Variants in MARCHF4 observed in about 807,000 individuals in gnomAD.
MARCHF4 encodes the protein E3 ubiquitin-protein ligase MARCHF4.
MARCHF4 carries 14 observed loss-of-function variants against 43.9 expected under a neutral mutation model. The ratio of observed to expected loss-of-function variants is 0.32; its 90% confidence interval spans 0.21 to 0.50. The LOEUF is 0.50. Among genes scored for constraint, MARCHF4 ranks in the 20% least tolerant of loss-of-function variants. The pLI, the probability that MARCHF4 is intolerant of heterozygous loss-of-function variation, is 0.98. For synonymous variants in MARCHF4, 226 were observed against 213.3 expected (o/e 1.06, Z -0.52); for missense variants, 468 against 536.7 (o/e 0.87, Z 1.27).
At chr2:216,312,917 T>C (rs1360876834) in intron 1 of MARCHF4, among the ~76,000 whole-genome samples, 1 of 24,714 alleles carries the variant, frequency 4.0e-5, no homozygotes, top group Non-Finnish European at 8.8e-5. Flanking sequence ...TTTGGTTTTG[T>C]TGCTTTGCTT....
intron 1 of MARCHF4, among the ~76,000 whole-genome samples, chr2:216,338,098 G>T (rs1293522701): frequency 6.6e-6 from 1 of 152,162 alleles, no homozygotes; most frequent in East Asian, 1.9e-4. Flanking sequence ...ACAGTTATTG[G>T]CTATGACCAG....
rs1424994554 is a variant in MARCHF4 at position 216,372,380 on chromosome 2, G to T, written c.-2120C>A. On this transcript the variant is annotated 5_prime_UTR_variant, in exon 1 of 4. Transcript: ENST00000273067. Reference sequence around the variant, plus strand: ...CTCCCACCCAGACCCCGCGCGTCACGCTCGTGGGGGCCTGACGCAGACGCC... The same window carrying T: ...CTCCCACCCAGACCCCGCGCGTCACTCTCGTGGGGGCCTGACGCAGACGCC... 6.6e-6 allele frequency among the ~76,000 whole-genome samples: 1 copy of T among 152,284 alleles called. No individual in the cohort carries two copies. The highest frequency in any genetic ancestry group is 1.5e-5 in the Non-Finnish European group (1 of 68,032).
chr2:216,319,915 T>C (rs1691852289), intron 1 of MARCHF4, among the ~76,000 whole-genome samples: 1 of 152,144 alleles, frequency 6.6e-6, no homozygotes, highest in Non-Finnish European at 1.5e-5. Context: ...GCCATTGTCA[T>C]CTAGAAAGCC....
chr2:216,319,748 G>C (rs1691848905), intron 1 of MARCHF4, among the ~76,000 whole-genome samples: 1 of 152,038 alleles, frequency 6.6e-6, no homozygotes, highest in Non-Finnish European at 1.5e-5. Flanking sequence ...ATTGAATAAG[G>C]AAATCTACAC....
intron 1 of MARCHF4, among the ~76,000 whole-genome samples, chr2:216,302,099 A>G (rs548201639): frequency 6.6e-6 from 1 of 152,378 alleles, no homozygotes; most frequent in African/African-American, 2.4e-5. Flanking sequence ...AAGCTTGATA[A>G]AAATTCAAAA....
At chr2:216,316,038 C>T (rs950066655) in intron 1 of MARCHF4, among the ~76,000 whole-genome samples, 7 of 152,216 alleles carry the variant, frequency 4.6e-5, no homozygotes, top group African/African-American at 1.4e-4. Flanking sequence ...ACACAGTCAC[C>T]ATCCACATAA....
intron 1 of MARCHF4, among the ~76,000 whole-genome samples, chr2:216,365,753 CCT>C (rs1692656527): frequency 6.6e-6 from 1 of 152,158 alleles, no homozygotes; most frequent in Non-Finnish European, 1.5e-5. Context: ...CCTTCTTGTA[CCT>C]GATATTACTG....
intron 1 of MARCHF4, among the ~76,000 whole-genome samples, chr2:216,359,434 C>G (rs1447367701): frequency 2.0e-5 from 3 of 152,186 alleles, no homozygotes; most frequent in Non-Finnish European, 4.4e-5. Flanking sequence ...CAGCTTTTTA[C>G]CTCTTCTTCA....
chr2:216,271,489 C>T, intron 3 of MARCHF4, among the ~76,000 whole-genome samples: 1 of 152,184 alleles, frequency 6.6e-6, no homozygotes, highest in Non-Finnish European at 1.5e-5. Flanking sequence ...TGTGACTTAT[C>T]TGTAGACTAT....
In MARCHF4 at chr2:216,371,478, T is replaced by A. The variant is rs1186618720; in HGVS notation, c.-1218A>T. The A allele has an allele frequency of 6.6e-6, 1 of 152,266 alleles. No homozygotes were observed. The highest frequency in any genetic ancestry group is 2.4e-5 in the African/African-American group (1 of 41,410). The allele number at this position is 152,266 out of a possible 1,614,324, so 9.4% of individuals were successfully genotyped here. ...CTCCGGGTCGGCCCGCGCCCGCAGC[T>A]GCTGCTGCGGCGGCGGAGGCGACTG... On this transcript the variant is annotated 5_prime_UTR_variant, in exon 1 of 4. Transcript: ENST00000273067.
intron 1 of MARCHF4, among the ~76,000 whole-genome samples, chr2:216,300,665 T>C (rs1037561266): frequency 5.9e-5 from 9 of 152,160 alleles, no homozygotes; most frequent in African/African-American, 2.2e-4. Context: ...ATCATTCTTA[T>C]ACATTACTTT....
intron 2 of MARCHF4, among the ~76,000 whole-genome samples, chr2:216,283,036 G>C (rs1007779405): frequency 7.2e-5 from 11 of 152,166 alleles, no homozygotes; most frequent in African/African-American, 2.7e-4. Context: ...GAAGACTGCA[G>C]ATCAATTACA....
chr2:216,348,546 A>G (rs536715703), intron 1 of MARCHF4, among the ~76,000 whole-genome samples: 2 of 152,200 alleles, frequency 1.3e-5, no homozygotes, highest in South Asian at 4.1e-4. Flanking sequence ...GATGTCAGGA[A>G]GTCCCCCTAT....
Position 216,259,264 on chromosome 2 carries a change from C to T in MARCHF4, c.*48G>A. 6.6e-7 allele frequency: 1 copy of T among 1,507,210 alleles called. No individual in the cohort carries two copies. Among genetic ancestry groups the T allele is most frequent in the Non-Finnish European group, 8.9e-7 (1 of 1,129,544 alleles). The allele number at this position is 1,507,210 out of a possible 1,614,324, so 93.4% of individuals were successfully genotyped here. ...GGTGCCACTGCACCTCCCCACCCTG[C>T]TCCGGGCCCTCAGTGGTGGTCATGG... On this transcript the variant is annotated 3_prime_UTR_variant, in exon 4 of 4. Coordinates refer to ENST00000273067, the MANE Select transcript of MARCHF4 (RefSeq NM_020814.3).
chr2:216,365,607 A>T (rs1418904006), intron 1 of MARCHF4, among the ~76,000 whole-genome samples: 1 of 152,212 alleles, frequency 6.6e-6, no homozygotes, highest in East Asian at 1.9e-4. Flanking sequence ...TTGCAGCCTA[A>T]ATCTATTTCT....
At chr2:216,320,670 TCTTTC>T (rs1361416485) in intron 1 of MARCHF4, among the ~76,000 whole-genome samples, 2,468 of 104,348 alleles carry the variant, frequency 0.024, 20 homozygotes, top group African/African-American at 0.046. Context: ...TTTCTTTCTT[TCTTTC>T]TTTTTTTTTT....
intron 1 of MARCHF4, among the ~76,000 whole-genome samples, chr2:216,290,989 G>A (rs1201391435): frequency 6.6e-6 from 1 of 152,176 alleles, no homozygotes; most frequent in Admixed American, 6.6e-5. Flanking sequence ...CTGGAGTTTA[G>A]GGGAAGGTCC....
At chr2:216,321,295 GC>G (rs922999578) in intron 1 of MARCHF4, among the ~76,000 whole-genome samples, 1 of 152,042 alleles carries the variant, frequency 6.6e-6, no homozygotes, top group Non-Finnish European at 1.5e-5. Context: ...AAATAGAATG[GC>G]CCCCACTCTC....
chr2:216,369,994 G>T lies in MARCHF4; in HGVS notation c.267C>A (p.Gly89=), dbSNP rs1234454139. 1 of 1,544,354 alleles carries T rather than the reference G, an allele frequency of 6.5e-7. No homozygotes were observed. Among genetic ancestry groups the T allele is most frequent in the Non-Finnish European group, 8.8e-7 (1 of 1,140,990 alleles). The stretch of plus-strand genomic sequence containing the variant: ...CCACCACTTCTCGGGGGCCCCTCCA[G>T]CCTGCCCACCCCCCGGCGCCCAGAG... ...LPALGAGGWA[G]WRGPREVVGR... is the part of the protein sequence containing the mutation. The change falls in exon 1 of 4, where the codon GGC becomes GGA. Residue 89 remains glycine (G), a synonymous_variant. Transcript: ENST00000273067.
Sources: gnomAD v4.1 joint callset for allele counts (sites outside exome capture counted in the v4.1 genomes callset) on GRCh38, gnomAD v4.1.1 for gene constraint, MANE v1.5 for transcripts, NCBI Gene and HGNC (gene_info 2026-07-23, HGNC 2026-07-21) for gene names.